Variants in CUL5 observed in about 807,000 individuals in gnomAD.
CUL5 encodes the protein cullin-5.
CUL5 carries 26 observed loss-of-function variants against 108.8 expected under a neutral mutation model. The ratio of observed to expected loss-of-function variants is 0.24; its 90% CI spans 0.18 to 0.33. CUL5 has a LOEUF of 0.33. Ranked by LOEUF, CUL5 falls within the 10% of genes least tolerant of loss-of-function variation. The pLI, the probability that CUL5 is intolerant of heterozygous loss-of-function variation, is 1.00. For missense variants in CUL5, 524 were observed against 909.2 expected (o/e 0.58, Z 5.45); for synonymous variants, 334 against 298.0 (o/e 1.12, Z -1.25).
intron 11 of CUL5, among the ~76,000 whole-genome samples, chr11:108,082,388 C>A (rs982828830): frequency 1.3e-5 from 2 of 151,742 alleles, no homozygotes; most frequent in Non-Finnish European, 2.9e-5. Flanking sequence ...TCGAGTAATC[C>A]TCCCACCTCA....
At chr11:108,009,985 A>G (rs1207831174) in intron 1 of CUL5, among the ~76,000 whole-genome samples, 2 of 152,252 alleles carry the variant, frequency 1.3e-5, no homozygotes, top group Admixed American at 6.5e-5. Context: ...GGACACAACC[A>G]GATGACAACT....
intron 1 of CUL5, among the ~76,000 whole-genome samples, chr11:108,027,610 T>C (rs1394168165): frequency 6.6e-6 from 1 of 152,080 alleles, no homozygotes; most frequent in Non-Finnish European, 1.5e-5. Flanking sequence ...GCTTTTTCCA[T>C]GTTGCCCAGG....
chr11:108,032,287 A>C (rs1285636820), intron 1 of CUL5, among the ~76,000 whole-genome samples: 1 of 152,136 alleles, frequency 6.6e-6, no homozygotes, highest in Non-Finnish European at 1.5e-5. Context: ...TGAGTGCATC[A>C]GTTGAGCCCA....
intron 4 of CUL5, among the ~76,000 whole-genome samples, chr11:108,052,397 T>C (rs1049363376): frequency 9.9e-5 from 15 of 152,142 alleles, no homozygotes; most frequent in Admixed American, 3.3e-4. Context: ...TCACTGGGAC[T>C]ACAGGCGTGC....
rs77620518 is a variant in CUL5, at chr11:108,039,014, C to G, written c.134+5103C>G. On this transcript the variant is annotated intron_variant, in intron 2 of 18. Coordinates refer to ENST00000393094, the MANE Select transcript of CUL5 (RefSeq NM_003478.6). ...ATATTTATCACTTCTGTCCTTCACT[C>G]TTTTTTTTTTTTCTTTTTAAATTGA... Among the ~76,000 whole-genome samples, 436 of 144,754 alleles carry G rather than the reference C, an allele frequency of 3.0e-3. 1 individual carries two copies. Among genetic ancestry groups the G allele is most frequent in the Admixed American group, 5.4e-3 (78 of 14,438 alleles). 95.0% of individuals were successfully genotyped at this position (144,754 alleles called of 152,430 possible).
At chr11:108,012,351 T>C (rs1378744951) in intron 1 of CUL5, among the ~76,000 whole-genome samples, 1 of 152,090 alleles carries the variant, frequency 6.6e-6, no homozygotes, top group Non-Finnish European at 1.5e-5. Flanking sequence ...CTTAGTACAT[T>C]ACTTTACCCA....
chr11:108,070,328 A>C, intron 8 of CUL5, 139 bp downstream of exon 8: 1 of 541,110 alleles, frequency 1.8e-6, no homozygotes, highest in Non-Finnish European at 3.3e-6. Context: ...TACTTAAGGA[A>C]ATAGATAAAA....
chr11:108,058,208 CAAAA>C (rs371453494), intron 7 of CUL5, among the ~76,000 whole-genome samples: 3 of 71,892 alleles, frequency 4.2e-5, no homozygotes, highest in Non-Finnish European at 4.9e-5. Flanking sequence ...GACTCTGTCT[CAAAA>C]AAAAAAAAAA....
intron 2 of CUL5, among the ~76,000 whole-genome samples, chr11:108,038,400 T>C (rs1055904353): frequency 4.6e-5 from 7 of 152,096 alleles, no homozygotes; most frequent in Non-Finnish European, 8.8e-5. Context: ...TTTTTAAAGA[T>C]CTTTTGGCCA....
chr11:108,030,233 T>TA (rs1862545473), intron 1 of CUL5, among the ~76,000 whole-genome samples: 2 of 152,368 alleles, frequency 1.3e-5, no homozygotes, highest in South Asian at 4.1e-4. Flanking sequence ...CGAAGTTACT[T>TA]ACGTGATTCA....
chr11:108,065,075 G>GAGTGC (rs1255204855), intron 7 of CUL5, among the ~76,000 whole-genome samples: 1 of 151,826 alleles, frequency 6.6e-6, no homozygotes, highest in African/African-American at 2.4e-5. Context: ...ACCCAGGCTG[G>GAGTGC]AGTGCAGTGG....
At chr11:108,096,679 A>G (rs535821291) in intron 16 of CUL5, among the ~76,000 whole-genome samples, 43 of 140,506 alleles carry the variant, frequency 3.1e-4, no homozygotes, top group Non-Finnish European at 3.9e-4. Context: ...CGATTCTCCT[A>G]CCTCAGCCTC....
chr11:108,042,410 C>T (rs1050073389), intron 2 of CUL5, among the ~76,000 whole-genome samples: 13 of 151,738 alleles, frequency 8.6e-5, no homozygotes, highest in African/African-American at 1.7e-4. Context: ...TTAGTAGAGA[C>T]GGGGTTTCAC....
chr11:108,031,943 C>G (rs989833619), intron 1 of CUL5, among the ~76,000 whole-genome samples: 2 of 152,164 alleles, frequency 1.3e-5, no homozygotes, highest in African/African-American at 4.8e-5. Context: ...ATTGCATGTT[C>G]TCACTTATAA....
chr11:108,063,479 T>C (rs771570401), intron 7 of CUL5, among the ~76,000 whole-genome samples: 2 of 152,028 alleles, frequency 1.3e-5, no homozygotes, highest in Non-Finnish European at 1.5e-5. Flanking sequence ...TTCCAAATCT[T>C]GATTATAAGT....
At chr11:108,021,843 C>T (rs1376530437) in intron 1 of CUL5, among the ~76,000 whole-genome samples, 2 of 151,850 alleles carry the variant, frequency 1.3e-5, no homozygotes, top group South Asian at 4.2e-4. Flanking sequence ...GAGACAGGGT[C>T]TCACTTTGTT....
At position 108,093,276 on chromosome 11, in the gene CUL5, TC is replaced by T. The variant is rs1864401903; in HGVS notation, c.1444-1114del. On this transcript the variant is annotated intron_variant, in intron 13 of 18. Coordinates refer to ENST00000393094, the MANE Select transcript of CUL5 (RefSeq NM_003478.6). ...GTCACACCCCCTGTAATTTGGATGA[TC>T]TTCTAGCATTTTATCTTTTGGGCTG... Among the ~76,000 whole-genome samples the T allele has an allele frequency of 7.8e-5, 9 of 114,740 alleles. No homozygotes were observed. In the South Asian group the frequency reaches 2.4e-3, roughly 31 times the overall value. The allele number at this position is 114,740 out of a possible 152,430, so 75.3% of individuals were successfully genotyped here. A position where few individuals can be genotyped will look rare whatever the true frequency, so the allele number is the denominator to read the frequency against.
chr11:108,040,662 G>A (rs1348577572), intron 2 of CUL5, among the ~76,000 whole-genome samples: 1 of 150,210 alleles, frequency 6.7e-6, no homozygotes, highest in Non-Finnish European at 1.5e-5. Flanking sequence ...GCACGTGCCT[G>A]TAGTCCCAAC....
chr11:108,058,166 G>A (rs192635824), intron 7 of CUL5, among the ~76,000 whole-genome samples: 1,358 of 128,502 alleles, frequency 0.011, 30 homozygotes, highest in African/African-American at 0.038. Context: ...CCGAGATTGC[G>A]CCACCACACT....
Sources: allele counts gnomAD v4.1 joint callset (sites outside exome capture counted in the v4.1 genomes callset), GRCh38; gene constraint gnomAD v4.1.1; transcripts MANE v1.5; gene names NCBI Gene and HGNC (gene_info 2026-07-23, HGNC 2026-07-21).